Variants in FTO observed in about 807,000 individuals in gnomAD.
FTO encodes alpha-ketoglutarate-dependent dioxygenase FTO.
A neutral mutation model predicts 63.9 loss-of-function variants in FTO; 47 were observed. That is an observed-to-expected ratio of 0.74 (90% confidence interval 0.58 to 0.94). The LOEUF (loss-of-function observed/expected upper bound fraction) is 0.94. Ranked by LOEUF, FTO falls within the 40% of genes least tolerant of loss-of-function variation. FTO has a pLI of 0.00. For missense variants in FTO, 562 were observed against 618.1 expected (o/e 0.91, Z 0.96); for synonymous variants, 207 against 224.4 (o/e 0.92, Z 0.69).
chr16:53,777,216 C>A (rs2077480895), intron 1 of FTO, among the ~76,000 whole-genome samples: 1 of 152,156 alleles, frequency 6.6e-6, no homozygotes, highest in South Asian at 2.1e-4. Flanking sequence ...CCTTTCTCTG[C>A]TCTATCCCAC....
At chr16:54,061,100 G>A (rs983562643) in intron 8 of FTO, among the ~76,000 whole-genome samples, 3 of 152,160 alleles carry the variant, frequency 2.0e-5, no homozygotes, top group Non-Finnish European at 4.4e-5. Flanking sequence ...AATCCCTTGA[G>A]GGTCCATTCC....
intron 8 of FTO, among the ~76,000 whole-genome samples, chr16:54,065,158 A>ATTTTATT (rs2085693617): frequency 2.1e-5 from 1 of 46,646 alleles, no homozygotes; most frequent in African/African-American, 6.3e-5. Flanking sequence ...TATTTTATTT[A>ATTTTATT]TTAATGTACT....
chr16:53,801,613 G>A (rs2078227975), intron 1 of FTO, among the ~76,000 whole-genome samples: 1 of 151,834 alleles, frequency 6.6e-6, no homozygotes, highest in South Asian at 2.1e-4. Flanking sequence ...TTGAAGATCT[G>A]CTGGTGTTGA....
chr16:53,986,547 T>C (rs1449821946), intron 8 of FTO, among the ~76,000 whole-genome samples: 1 of 152,156 alleles, frequency 6.6e-6, no homozygotes, highest in African/African-American at 2.4e-5. Context: ...CTGCTAAAAA[T>C]ACAAAAAGGG....
At chr16:54,089,582 C>CAAG (rs1319047910) in intron 8 of FTO, among the ~76,000 whole-genome samples, 7 of 151,816 alleles carry the variant, frequency 4.6e-5, no homozygotes, top group African/African-American at 1.2e-4. Context: ...AGAATGCTAC[C>CAAG]AAGGTGAAAA....
chr16:53,779,068 CTTTA>C (rs892165757), intron 1 of FTO, among the ~76,000 whole-genome samples: 13 of 152,136 alleles, frequency 8.5e-5, no homozygotes, highest in African/African-American at 7.2e-5. Context: ...CCTTTGATTG[CTTTA>C]TTTGTTTGTT....
At chr16:53,874,220 A>G (rs929980522) in intron 5 of FTO, among the ~76,000 whole-genome samples, 10 of 152,172 alleles carry the variant, frequency 6.6e-5, no homozygotes, top group African/African-American at 1.9e-4. Flanking sequence ...ATGCTTGTGC[A>G]TGTGTTAGCT....
chr16:54,087,567 G>T (rs914450709), intron 8 of FTO, among the ~76,000 whole-genome samples: 5 of 152,260 alleles, frequency 3.3e-5, no homozygotes, highest in South Asian at 2.1e-4. Context: ...ATTTTGGGAG[G>T]CCAGAGAGGA....
chr16:53,930,184 A>G (rs1450393616), intron 7 of FTO, among the ~76,000 whole-genome samples: 1 of 143,196 alleles, frequency 7.0e-6, no homozygotes, highest in Non-Finnish European at 1.5e-5. Context: ...TGAAATAAAT[A>G]TATAGTTTTG....
chr16:53,772,958 T>C (rs2077373536), intron 1 of FTO, among the ~76,000 whole-genome samples: 1 of 152,132 alleles, frequency 6.6e-6, no homozygotes, highest in South Asian at 2.1e-4. Flanking sequence ...TTACCACCTG[T>C]CTGCTCTCTC....
intron 1 of FTO, among the ~76,000 whole-genome samples, chr16:53,755,421 C>A (rs2076899118): frequency 6.6e-6 from 1 of 152,130 alleles, no homozygotes; most frequent in Non-Finnish European, 1.5e-5. Context: ...CTGATCCCGT[C>A]CATTGAGGTG....
chr16:54,051,078 G>A (rs1290228967), intron 8 of FTO, among the ~76,000 whole-genome samples: 1 of 152,124 alleles, frequency 6.6e-6, no homozygotes, highest in African/African-American at 2.4e-5. Flanking sequence ...CCATAATGTT[G>A]ACATAAAGTT....
intron 4 of FTO, among the ~76,000 whole-genome samples, chr16:53,866,116 C>G (rs1430081392): frequency 6.6e-6 from 1 of 152,132 alleles, no homozygotes; most frequent in Non-Finnish European, 1.5e-5. Flanking sequence ...ATGGGTATCA[C>G]ATTTTGTCAA....
At position 54,049,364 on chromosome 16, in the gene FTO, G is replaced by C. The variant is rs553281336; in HGVS notation, c.1365-62398G>C. Among the ~76,000 whole-genome samples the C allele has an allele frequency of 2.6e-5, 4 of 152,320 alleles. No individual in the cohort carries two copies. The East Asian group carries it at 7.7e-4, about 29-fold the overall frequency. On this transcript the variant is annotated intron_variant, in intron 8 of 8. Coordinates refer to ENST00000471389, the MANE Select transcript of FTO (RefSeq NM_001080432.3). The stretch of plus-strand genomic sequence containing the variant: ...AGACCTTGTGCAAAAAGAGATGGCT[G>C]CCCGTTTATGCCGGTAGCACATGCT...
chr16:53,944,768 G>A (rs1480759568), intron 8 of FTO, among the ~76,000 whole-genome samples: 1 of 152,192 alleles, frequency 6.6e-6, no homozygotes, highest in Non-Finnish European at 1.5e-5. Flanking sequence ...CCCAGAGCAA[G>A]TACCTGTAAC....
intron 8 of FTO, among the ~76,000 whole-genome samples, chr16:53,969,408 C>A (rs2083269068): frequency 6.6e-6 from 1 of 152,124 alleles, no homozygotes; most frequent in African/African-American, 2.4e-5. Context: ...GTCCCTCAGC[C>A]TTCACTAGAT....
At chr16:53,737,893 C>T (rs1598527701) in intron 1 of FTO, among the ~76,000 whole-genome samples, 1 of 152,154 alleles carries the variant, frequency 6.6e-6, no homozygotes, top group Non-Finnish European at 1.5e-5. Flanking sequence ...TGACTGGCTT[C>T]TTCCACTTAG....
chr16:53,915,981 G>A (rs1270512321), intron 7 of FTO, among the ~76,000 whole-genome samples: 1 of 152,214 alleles, frequency 6.6e-6, no homozygotes, highest in Non-Finnish European at 1.5e-5. Context: ...GTTTTAGACT[G>A]TATTAATCAA....
chr16:53,858,716 AGTG>A (rs2080081438), intron 4 of FTO, among the ~76,000 whole-genome samples: 1 of 151,902 alleles, frequency 6.6e-6, no homozygotes, highest in Non-Finnish European at 1.5e-5. Flanking sequence ...GCTGGAGGGC[AGTG>A]GTGGGATCTC....
Sources: allele counts gnomAD v4.1 joint callset (sites outside exome capture counted in the v4.1 genomes callset), GRCh38; gene constraint gnomAD v4.1.1; transcripts MANE v1.5; gene names NCBI Gene and HGNC (gene_info 2026-07-23, HGNC 2026-07-21).